MYH8: variants seen among roughly 807,000 people sequenced by gnomAD.
MYH8 encodes the protein myosin-8.
MYH8 carries 168 observed loss-of-function variants against 233.2 expected under a neutral mutation model. That is an observed-to-expected ratio of 0.72 (90% CI 0.64 to 0.82). The LOEUF (loss-of-function observed/expected upper bound fraction) is 0.82, where lower values mean the gene tolerates loss of function less well. Ranked by LOEUF, MYH8 falls within the 40% of genes least tolerant of loss-of-function variation. MYH8 has a pLI of 0.00. For missense variants in MYH8, 1,995 were observed against 2,327.8 expected, an observed-to-expected ratio of 0.86 and a Z score of 2.94; for synonymous variants, 785 against 850.6, an observed-to-expected ratio of 0.92 and a Z score of 1.34.
intron 35 of MYH8, among the ~76,000 whole-genome samples, chr17:10,394,020 T>G (rs1183435042): frequency 9.0e-6 from 1 of 110,910 alleles, no homozygotes; most frequent in Non-Finnish European, 1.9e-5. Context: ...TTTTTTTTTT[T>G]GGTGAGGGGT....
chr17:10,395,897 A>T (rs8079489), intron 33 of MYH8, among the ~76,000 whole-genome samples: 88,087 of 151,406 alleles, frequency 0.58, 26,703 homozygotes, highest in African/African-American at 0.71. Context: ...AGTAAAGAGA[A>T]AAACATTTTA....
chr17:10,393,544 G>A (rs1275561278), intron 35 of MYH8, among the ~76,000 whole-genome samples: 3 of 152,162 alleles, frequency 2.0e-5, no homozygotes, highest in East Asian at 1.9e-4. Context: ...GAATAGATTC[G>A]TTTTGTGAGT....
intron 27 of MYH8, among the ~76,000 whole-genome samples, chr17:10,399,979 G>A (rs1312473484): frequency 6.6e-6 from 1 of 152,136 alleles, no homozygotes; most frequent in Non-Finnish European, 1.5e-5. Context: ...CGAGGCGGGC[G>A]GATCATGAGG....
intron 11 of MYH8, 28 bp downstream of exon 11, chr17:10,414,164 A>AT: frequency 6.2e-7 from 1 of 1,610,872 alleles, no homozygotes; most frequent in South Asian, 1.1e-5. Flanking sequence ...TACATAATGG[A>AT]TTTTTAAAAT....
At chr17:10,408,380 G>T (rs1347312497) in intron 17 of MYH8, among the ~76,000 whole-genome samples, 1 of 152,144 alleles carries the variant, frequency 6.6e-6, no homozygotes, top group Admixed American at 6.5e-5. Flanking sequence ...ATGCAAATTG[G>T]TTGTGAGAAA....
chr17:10,397,375 T>C (rs1305312862), intron 30 of MYH8, among the ~76,000 whole-genome samples: 1 of 152,206 alleles, frequency 6.6e-6, no homozygotes, highest in Non-Finnish European at 1.5e-5. Context: ...ATTACAGGTG[T>C]GAGCCACTGT....
intron 15 of MYH8, among the ~76,000 whole-genome samples, chr17:10,410,060 T>G (rs1265153855): frequency 6.6e-6 from 1 of 152,116 alleles, no homozygotes; most frequent in Non-Finnish European, 1.5e-5. Context: ...TCCCAACACT[T>G]TGGGAGGCCA....
rs776833861 is a variant in MYH8, at chr17:10,400,128, G to A, written c.3735+262C>T. ...TGAGGCAGGAGAGTGGCGTGAACCC[G>A]GGAGGCGGAGCTTGCAGTGAGCCGA... is the stretch of plus-strand genomic sequence containing the variant. On this transcript the variant is annotated intron_variant, in intron 27 of 39. Transcript: ENST00000403437. The surrounding 1 kb of genome is among the most constrained non-coding windows in gnomAD (Gnocchi z 4.0). 6.6e-6 allele frequency among the ~76,000 whole-genome samples: 1 copy of A among 152,096 alleles called. No homozygotes were observed. Among genetic ancestry groups the A allele is most frequent in the African/African-American group, 2.4e-5 (1 of 41,426 alleles).
At position 10,399,585 on chromosome 17, in the gene MYH8, TG is replaced by T. The variant is rs2072115339; in HGVS notation, c.3819del (p.Asn1274MetfsTer21). ...KTKEEEQQRL[I>X]NDLTAQRARL... ...CGCGCTCTCTGTGCTGTGAGGTCATTGATCAGCCGCTGCTGCTCCTCTTCCT... is the reference window on the plus strand; with the variant it reads ...CGCGCTCTCTGTGCTGTGAGGTCATTATCAGCCGCTGCTGCTCCTCTTCCT... On this transcript the variant is annotated frameshift_variant, in exon 28 of 40. Coordinates refer to ENST00000403437, the MANE Select transcript of MYH8 (RefSeq NM_002472.3). LOFTEE classifies it high-confidence loss of function. 1 of 1,613,920 alleles carries T rather than the reference TG, an allele frequency of 6.2e-7. No homozygotes were observed. The highest frequency in any genetic ancestry group is 8.5e-7 in the Non-Finnish European group (1 of 1,180,042).
At chr17:10,406,536 T>C (rs2072195560) in intron 19 of MYH8, 139 bp from the exon 20 acceptor site, 1 of 1,397,440 alleles carries the variant, frequency 7.2e-7, no homozygotes, top group Admixed American at 1.7e-5. Flanking sequence ...GGACAGATAG[T>C]AAAACAATAT....
intron 2 of MYH8, among the ~76,000 whole-genome samples, chr17:10,420,883 TC>T (rs1195958472): frequency 2.0e-5 from 3 of 152,228 alleles, no homozygotes; most frequent in African/African-American, 7.2e-5. Flanking sequence ...GATTCCAAAA[TC>T]TTTTTTGACA....
rs767912317 is a variant in MYH8, at chr17:10,415,605, G to C, written c.540-25C>G. On this transcript the variant is annotated intron_variant, in intron 6 of 39. Coordinates refer to ENST00000403437, the MANE Select transcript of MYH8 (RefSeq NM_002472.3). The surrounding 1 kb of genome is among the most constrained non-coding windows in gnomAD (Gnocchi z 4.1). Reference sequence around the variant, plus strand: ...GCTGTCAAACAGAAATCAGAGAAGAGATCAGAGAACTATGGCCTGCATTGT... The same window carrying C: ...GCTGTCAAACAGAAATCAGAGAAGACATCAGAGAACTATGGCCTGCATTGT... 1.2e-6 allele frequency: 2 copies of C among 1,613,832 alleles called. No homozygotes were observed. Among genetic ancestry groups the C allele is most frequent in the East Asian group, 2.2e-5 (1 of 44,882 alleles).
At chr17:10,409,232 CATT>C in intron 16 of MYH8, 44 bp downstream of exon 16, 1 of 1,613,478 alleles carries the variant, frequency 6.2e-7, no homozygotes, top group Non-Finnish European at 8.5e-7. Context: ...TGTATTATAA[CATT>C]ATGTGAGAAT....
chr17:10,399,495 C>A (rs2072113636), intron 28 of MYH8, 48 bp downstream of exon 28: 2 of 1,611,652 alleles, frequency 1.2e-6, no homozygotes. Flanking sequence ...CCCCTAGAAT[C>A]CATTTTATTT....
Position 10,392,917 on chromosome 17 carries a change from C to T in MYH8, c.5377G>A (p.Val1793Met), listed in dbSNP as rs1597396541. The T allele has an allele frequency of 6.2e-7, 1 of 1,614,238 alleles. No homozygotes were observed. ...TCTAGACGATGCTGCAGGTCCTTCACCGTCTGCTCCAGGTTCTTCTTCATC... is the reference window on the plus strand; with the variant it reads ...TCTAGACGATGCTGCAGGTCCTTCATCGTCTGCTCCAGGTTCTTCTTCATC... Reference protein sequence around the residue: ...ERMKKNLEQTVKDLQHRLDEA... With the variant: ...ERMKKNLEQTMKDLQHRLDEA... Residue 1793 changes from valine to methionine, a missense_variant, in exon 37 of 40, where the codon GTG becomes ATG. Val to Met is a conservative substitution (Grantham distance 21). Around this residue, in one of 3 missense-constraint regions of MYH8, gnomAD observed 1,498 missense variants for 1,680.9 expected, o/e 0.89. Transcript: ENST00000403437.
chr17:10,406,353 A>G lies in MYH8; in HGVS notation c.2216T>C (p.Ile739Thr), dbSNP rs996857100. 2 of 1,614,042 alleles carry G rather than the reference A, an allele frequency of 1.2e-6. No homozygotes were observed. The highest frequency in any genetic ancestry group is 1.7e-6 in the Non-Finnish European group (2 of 1,179,882). The part of the protein sequence containing the change: ...NASAIPEGQF[I>T]DSKKASEKLL... The stretch of plus-strand genomic sequence containing the variant: ...TTTCTCAGAAGCCTTCTTGCTGTCA[A>G]TGAACTGTCCCTCTGGAATAGCACT... Residue 739 changes from isoleucine to threonine, a missense_variant, in exon 20 of 40, where the codon ATT (isoleucine) becomes ACT (threonine). By Grantham distance (89) the Ile-to-Thr change is moderately conservative (BLOSUM62 -1). Around this residue, in one of 3 missense-constraint regions of MYH8, gnomAD observed 1,498 missense variants for 1,680.9 expected, o/e 0.89. Coordinates refer to ENST00000403437, the MANE Select transcript of MYH8 (RefSeq NM_002472.3).
Position 10,414,197 on chromosome 17 carries a change from T to C in MYH8, c.1003A>G (p.Thr335Ala), listed in dbSNP as rs750173642. The change falls in exon 11 of 40, where the codon ACT becomes GCT. Residue 335 changes from threonine (T) to alanine (A), a missense_variant. This residue lies in a region of MYH8 where 479 missense variants were observed against 600.9 expected (regional missense o/e 0.80). Transcript: ENST00000403437. ...AATTAGTGTTTTTGACTTACATCAG[T>C]GGCCATCAACTCTTCTTGGTCATCA... Reference protein sequence around the residue: ...SIDDQEELMATDSAIDILGFT... With the variant: ...SIDDQEELMAADSAIDILGFT... 6.2e-7 allele frequency: 1 copy of C among 1,613,860 alleles called. No homozygotes were observed. The highest frequency in any genetic ancestry group is 1.1e-5 in the South Asian group (1 of 91,068).
intron 27 of MYH8, 112 bp from the exon 28 acceptor site, chr17:10,399,781 A>G: frequency 2.8e-6 from 4 of 1,445,366 alleles, no homozygotes; most frequent in Non-Finnish European, 3.8e-6. Context: ...GTGAGTAGAA[A>G]GTTAGGACAT....
chr17:10,396,918 G>A lies in MYH8; in HGVS notation c.4247C>T (p.Ser1416Phe). 1 of 1,614,194 alleles carries A rather than the reference G, an allele frequency of 6.2e-7. No homozygotes were observed. The highest frequency in any genetic ancestry group is 8.5e-7 in the Non-Finnish European group (1 of 1,180,044). ...HVEAVNAKCA[S>F]LEKTKQRLQN... Reference sequence around the variant, plus strand: ...GAGCCGCTGCTTCGTCTTCTCAAGGGAAGCACATTTGGCGTTCACAGCTTC... The same window carrying A: ...GAGCCGCTGCTTCGTCTTCTCAAGGAAAGCACATTTGGCGTTCACAGCTTC... Residue 1416 changes from serine (S) to phenylalanine (F), a missense_variant, in exon 31 of 40, where the codon TCC becomes TTC. Coordinates refer to ENST00000403437, the MANE Select transcript of MYH8 (RefSeq NM_002472.3). This position sits in a 1 kb window ranked among gnomAD's most constrained non-coding sequence, Gnocchi z 4.2.
Sources: gnomAD v4.1 joint callset for allele counts (sites outside exome capture counted in the v4.1 genomes callset) on GRCh38, gnomAD v4.1.1 for gene constraint, gnomAD v4.1.1 regional missense constraint, Gnocchi (gnomAD v3.1) non-coding constraint, MANE v1.5 for transcripts, NCBI Gene and HGNC (gene_info 2026-07-23, HGNC 2026-07-21) for gene names.